FAP: variants seen among roughly 807,000 people sequenced by gnomAD.
The protein encoded by FAP is fibroblast activation protein alpha, also known as prolyl endopeptidase FAP.
FAP carries 110 observed loss-of-function variants against 126.5 expected under a neutral mutation model. The ratio of observed to expected loss-of-function variants is 0.87; its 90% confidence interval spans 0.74 to 1.02. The LOEUF (loss-of-function observed/expected upper bound fraction) is 1.02, where lower values mean the gene tolerates loss of function less well. FAP is among the 50% of genes least tolerant of loss of function. FAP has a pLI of 0.00. For synonymous variants in FAP, 334 were observed against 297.3 expected (o/e 1.12, Z -1.27); for missense variants, 919 against 909.2 (o/e 1.01, Z -0.14).
At chr2:162,179,780 A>T (rs1469367536) in intron 21 of FAP, among the ~76,000 whole-genome samples, 1 of 68,834 alleles carries the variant, frequency 1.5e-5, no homozygotes, top group Non-Finnish European at 3.1e-5. Context: ...CTATCTATCT[A>T]TCTATCTATC....
At chr2:162,203,238 G>A in intron 12 of FAP, 93 bp from the exon 13 acceptor site, 1 of 716,526 alleles carries the variant, frequency 1.4e-6, no homozygotes, top group Non-Finnish European at 2.3e-6. Flanking sequence ...TATGGTCATA[G>A]TTATAGGAAT....
At chr2:162,195,450 G>C (rs1387747114) in intron 16 of FAP, among the ~76,000 whole-genome samples, 1 of 151,836 alleles carries the variant, frequency 6.6e-6, no homozygotes, top group Non-Finnish European at 1.5e-5. Context: ...TTACCCCCTA[G>C]CATGGAGCTT....
intron 4 of FAP, 94 bp from the exon 5 acceptor site, chr2:162,224,634 C>A: frequency 1.5e-6 from 1 of 655,886 alleles, no homozygotes; most frequent in Non-Finnish European, 2.6e-6. Flanking sequence ...TATCAACATA[C>A]TCCTACATGC....
intron 2 of FAP, among the ~76,000 whole-genome samples, chr2:162,232,721 C>T (rs966814909): frequency 2.0e-5 from 3 of 152,008 alleles, no homozygotes; most frequent in African/African-American, 7.3e-5. Flanking sequence ...TTAAAAATAG[C>T]CCATTTGTGT....
intron 17 of FAP, among the ~76,000 whole-genome samples, chr2:162,191,236 CCTT>C (rs1688029526): frequency 6.6e-6 from 1 of 152,056 alleles, no homozygotes; most frequent in African/African-American, 2.4e-5. Context: ...GGCTTTGACT[CCTT>C]CTTCATTCTA....
chr2:162,203,223 C>T (rs1295753428), intron 12 of FAP, 78 bp from the exon 13 acceptor site: 5 of 826,986 alleles, frequency 6.0e-6, no homozygotes, highest in South Asian at 1.7e-5. Context: ...TATATAAAAG[C>T]GACGTATGGT....
At chr2:162,229,055 A>G (rs1269277534) in intron 2 of FAP, among the ~76,000 whole-genome samples, 1 of 152,166 alleles carries the variant, frequency 6.6e-6, no homozygotes, top group African/African-American at 2.4e-5. Context: ...TCAATAAATG[A>G]ATATAACCTT....
chr2:162,241,625 C>T (rs1187836294), intron 2 of FAP, among the ~76,000 whole-genome samples: 2 of 152,116 alleles, frequency 1.3e-5, no homozygotes, highest in Non-Finnish European at 2.9e-5. Context: ...AATGAATTAA[C>T]ATTCAAAGGA....
At chr2:162,191,206 G>A (rs79845001) in intron 17 of FAP, among the ~76,000 whole-genome samples, 10 of 152,024 alleles carry the variant, frequency 6.6e-5, no homozygotes, top group East Asian at 1.9e-4. Context: ...GACAGTATCC[G>A]GGTGTTGTCA....
rs528176826 is a variant in FAP at position 162,203,235 on chromosome 2, A to G, written c.1048-90T>C. The G allele has an allele frequency of 1.2e-5, 9 of 731,476 alleles. No homozygotes were observed. The African/African-American group carries it at 1.6e-4, about 13-fold the overall frequency. 45.3% of individuals were successfully genotyped at this position (731,476 alleles called of 1,614,324 possible). On this transcript the variant is annotated intron_variant, in intron 12 of 25. Transcript: ENST00000188790. Reference sequence around the variant, plus strand: ...TAATATATAAAAGCGACGTATGGTCATAGTTATAGGAATCAGAATGTCTCG... The same window carrying G: ...TAATATATAAAAGCGACGTATGGTCGTAGTTATAGGAATCAGAATGTCTCG...
chr2:162,183,268 C>A, intron 21 of FAP, 146 bp downstream of exon 21: 4 of 709,000 alleles, frequency 5.6e-6, no homozygotes, highest in South Asian at 3.4e-5. Context: ...ATTTTGAAGC[C>A]CAGATTATCC....
At position 162,194,712 on chromosome 2, in the gene FAP, C is replaced by T. The variant is rs775116487; in HGVS notation, c.1439G>A (p.Arg480His). ...GCAAGAGAGAGTACCTTGATCAGTG[C>T]GTCCATCATGAAGGGTGGAAATGGG... ...GIPISTLHDG[R>H]TDQEIKILEE... The change falls in exon 17 of 26, where the codon CGC (arginine) becomes CAC (histidine). Residue 480 changes from arginine to histidine, a missense_variant. Physicochemically the swap from Arg to His is conservative, Grantham distance 29. Coordinates refer to ENST00000188790, the MANE Select transcript of FAP (RefSeq NM_004460.5). 5.1e-5 allele frequency: 82 copies of T among 1,613,258 alleles called. No homozygotes were observed. Among genetic ancestry groups the T allele is most frequent in the South Asian group, 7.7e-5 (7 of 91,060 alleles).
At chr2:162,213,434 A>C (rs1343631676) in intron 11 of FAP, among the ~76,000 whole-genome samples, 1 of 151,968 alleles carries the variant, frequency 6.6e-6, no homozygotes, top group Non-Finnish European at 1.5e-5. Flanking sequence ...CAAAAAAAAA[A>C]ACAGAATATC....
rs539580206 is a variant in FAP, at chr2:162,204,834, C to A, written c.1048-1689G>T. 1.1e-4 allele frequency among the ~76,000 whole-genome samples: 16 copies of A among 152,284 alleles called. No homozygotes were observed. In the South Asian group the frequency reaches 3.1e-3, roughly 30 times the overall value. ...CCTAGAATCAATAAATCAGTCAAATCAAATAAGCAGAAGGCCATTAACCTG... is the reference window on the plus strand; with the variant it reads ...CCTAGAATCAATAAATCAGTCAAATAAAATAAGCAGAAGGCCATTAACCTG... On this transcript the variant is annotated intron_variant, in intron 12 of 25. Transcript: ENST00000188790.
At chr2:162,240,844 C>G (rs1026119919) in intron 2 of FAP, among the ~76,000 whole-genome samples, 4 of 152,170 alleles carry the variant, frequency 2.6e-5, no homozygotes, top group Non-Finnish European at 4.4e-5. Context: ...ATCTCAGATC[C>G]TATTCTCATA....
At chr2:162,219,392 A>G (rs1208183122) in intron 7 of FAP, among the ~76,000 whole-genome samples, 6 of 152,210 alleles carry the variant, frequency 3.9e-5, no homozygotes, top group Non-Finnish European at 8.8e-5. Context: ...AATAAAAAAT[A>G]AAGCCTATTA....
chr2:162,172,740 TA>T, intron 25 of FAP, 70 bp downstream of exon 25: 1 of 1,005,740 alleles, frequency 9.9e-7, no homozygotes. Flanking sequence ...TTAAAAAAAA[TA>T]AAAATATGAA....
chr2:162,226,513 A>T lies in FAP; in HGVS notation c.190+10T>A. On this transcript the variant is annotated intron_variant, in intron 3 of 25. Coordinates refer to ENST00000188790, the MANE Select transcript of FAP (RefSeq NM_004460.5). ...TAAAAAAAACCCCTAAAGATAAATA[A>T]TGCACTTACCTGAAATCCAGTTTGG... The T allele has an allele frequency of 1.4e-6, 2 of 1,426,666 alleles. No homozygotes were observed. The highest frequency in any genetic ancestry group is 2.0e-6 in the Non-Finnish European group (2 of 1,024,224). The allele number at this position is 1,426,666 out of a possible 1,614,324, so 88.4% of individuals were successfully genotyped here.
chr2:162,223,974 C>T (rs909836589), intron 5 of FAP, among the ~76,000 whole-genome samples: 8 of 152,036 alleles, frequency 5.3e-5, no homozygotes, highest in African/African-American at 9.7e-5. Flanking sequence ...AGAAATTTTC[C>T]TTTCATGTTT....
Sources: allele counts gnomAD v4.1 joint callset (sites outside exome capture counted in the v4.1 genomes callset), GRCh38; gene constraint gnomAD v4.1.1; transcripts MANE v1.5; gene names NCBI Gene and HGNC (gene_info 2026-07-23, HGNC 2026-07-21).